The following NCKAP5 variants were observed in gnomAD, a reference collection of about 807,000 sequenced individuals.
NCKAP5 encodes NCK associated protein 5.
In NCKAP5, 92 loss-of-function variants were observed where a neutral mutation model predicts 167.0. The observed-to-expected ratio is 0.55, with a 90% CI of 0.47 to 0.66. The LOEUF is 0.66. NCKAP5 is among the 30% of genes least tolerant of loss of function. The pLI, the probability that NCKAP5 is intolerant of heterozygous loss-of-function variation, is 0.00. For missense variants in NCKAP5, 2,378 were observed against 2,315.0 expected (o/e 1.03, Z -0.56); for synonymous variants, 891 against 877.4 (o/e 1.02, Z -0.27).
chr2:132,847,218 T>A (rs1688728028), intron 11 of NCKAP5, among the ~76,000 whole-genome samples: 1 of 152,118 alleles, frequency 6.6e-6, no homozygotes, highest in Non-Finnish European at 1.5e-5. Flanking sequence ...GTGGGAAATA[T>A]GGGGTAAAAT....
At chr2:133,264,755 C>A (rs2089099223) in intron 4 of NCKAP5, among the ~76,000 whole-genome samples, 1 of 152,172 alleles carries the variant, frequency 6.6e-6, no homozygotes, top group African/African-American at 2.4e-5. Context: ...CCTTTACAGT[C>A]AGACTGGGAA....
chr2:132,882,494 A>G (rs1691840765), intron 8 of NCKAP5, among the ~76,000 whole-genome samples: 1 of 152,146 alleles, frequency 6.6e-6, no homozygotes, highest in South Asian at 2.1e-4. Context: ...CAATCTTACC[A>G]TGTGTACAAA....
chr2:133,391,134 C>G (rs529941789), intron 3 of NCKAP5: 1 of 152,322 alleles, frequency 6.6e-6, no homozygotes, highest in East Asian at 1.9e-4. Flanking sequence ...CTACCATCTA[C>G]TTTCTGAGGA....
chr2:133,018,921 C>A (rs1305374103), intron 6 of NCKAP5, among the ~76,000 whole-genome samples: 1 of 152,154 alleles, frequency 6.6e-6, no homozygotes, highest in Admixed American at 6.6e-5. Context: ...ACCCTTTAGC[C>A]TTGTTGCTAT....
At chr2:133,523,665 G>A (rs752566402) in intron 2 of NCKAP5, among the ~76,000 whole-genome samples, 5 of 152,096 alleles carry the variant, frequency 3.3e-5, no homozygotes, top group Non-Finnish European at 7.4e-5. Context: ...GGTCAGCTTC[G>A]TTAAGCAACA....
intron 8 of NCKAP5, among the ~76,000 whole-genome samples, chr2:132,936,825 T>A (rs1212534222): frequency 1.3e-5 from 2 of 152,256 alleles, no homozygotes; most frequent in Admixed American, 1.3e-4. Flanking sequence ...ATCAACTTTA[T>A]AATTTTACAA....
At chr2:133,361,002 G>C (rs1257708487) in intron 3 of NCKAP5, among the ~76,000 whole-genome samples, 1 of 151,280 alleles carries the variant, frequency 6.6e-6, no homozygotes, top group Non-Finnish European at 1.5e-5. Flanking sequence ...GAAATCAATG[G>C]GCAGACCCAA....
chr2:133,278,979 C>A (rs1007844501), intron 4 of NCKAP5, among the ~76,000 whole-genome samples: 7 of 152,166 alleles, frequency 4.6e-5, no homozygotes, highest in Non-Finnish European at 1.0e-4. Context: ...TCTCATTCAT[C>A]AGATTGGGAG....
In NCKAP5 at chr2:132,783,071, T is replaced by A; in HGVS notation, c.3740A>T (p.Asp1247Val). 1 of 1,613,884 alleles carries A rather than the reference T, an allele frequency of 6.2e-7. No individual in the cohort carries two copies. The highest frequency in any genetic ancestry group is 8.5e-7 in the Non-Finnish European group (1 of 1,179,856). Residue 1247 changes from aspartate (D) to valine (V), a missense_variant, in exon 14 of 20, where the codon GAT (aspartate) becomes GTT (valine). Transcript: ENST00000409261. ...IPGSDGRDGV[D>V]NRSMRRSLSS... Reference sequence around the variant, plus strand: ...AAGGGATCTTCTCATGGATCTATTATCTACCCCATCCCTTCCATCACTCCC... The same window carrying A: ...AAGGGATCTTCTCATGGATCTATTAACTACCCCATCCCTTCCATCACTCCC...
chr2:133,510,097 T>C (rs919121750), intron 3 of NCKAP5, among the ~76,000 whole-genome samples: 1 of 152,166 alleles, frequency 6.6e-6, no homozygotes, highest in Non-Finnish European at 1.5e-5. Context: ...GGCAGACAAA[T>C]GGCATTTCTT....
At chr2:133,536,978 G>A (rs1575121320) in intron 2 of NCKAP5, among the ~76,000 whole-genome samples, 1 of 151,718 alleles carries the variant, frequency 6.6e-6, no homozygotes, top group East Asian at 1.9e-4. Context: ...TTTTTTGGTA[G>A]GTTTGAGATA....
chr2:133,648,389 T>A, the NCKAP5 span, among the ~76,000 whole-genome samples: 1 of 152,170 alleles, frequency 6.6e-6, no homozygotes, highest in Non-Finnish European at 1.5e-5. Context: ...AGGACTTAAA[T>A]AATGCTATAA....
intron 13 of NCKAP5, among the ~76,000 whole-genome samples, chr2:132,788,110 T>A (rs1683739620): frequency 6.6e-6 from 1 of 152,128 alleles, no homozygotes; most frequent in African/African-American, 2.4e-5. Context: ...TCTAGGCCAA[T>A]CTTGAAGCTT....
At chr2:133,015,942 C>G (rs1371879525) in intron 6 of NCKAP5, among the ~76,000 whole-genome samples, 2 of 152,004 alleles carry the variant, frequency 1.3e-5, no homozygotes, top group Non-Finnish European at 2.9e-5. Flanking sequence ...AATGGAAGGA[C>G]TTAAGAAAAG....
chr2:133,603,530 T>A, the NCKAP5 span, among the ~76,000 whole-genome samples: 1 of 146,080 alleles, frequency 6.8e-6, no homozygotes, highest in Non-Finnish European at 1.5e-5. Context: ...CAGCCCGGCA[T>A]CAGGGATTTT....
intron 6 of NCKAP5, among the ~76,000 whole-genome samples, chr2:133,012,008 T>C (rs1416912334): frequency 1.3e-5 from 2 of 152,164 alleles, no homozygotes; most frequent in African/African-American, 2.4e-5. Flanking sequence ...GCCCTCTTCA[T>C]AGCTGTTTTT....
intron 3 of NCKAP5, among the ~76,000 whole-genome samples, chr2:133,390,388 T>C (rs994772591): frequency 7.9e-5 from 12 of 152,194 alleles, no homozygotes; most frequent in Admixed American, 6.5e-4. Flanking sequence ...AGGGAGGACA[T>C]AAAGCTTCCC....
chr2:133,385,570 T>G (rs905660019), intron 3 of NCKAP5, among the ~76,000 whole-genome samples: 3 of 152,190 alleles, frequency 2.0e-5, no homozygotes, highest in African/African-American at 7.2e-5. Flanking sequence ...ATAAAATGAG[T>G]TAGGGAGGAT....
At chr2:132,867,507 A>G (rs952301380) in intron 10 of NCKAP5, among the ~76,000 whole-genome samples, 6 of 152,290 alleles carry the variant, frequency 3.9e-5, no homozygotes, top group African/African-American at 1.4e-4. Context: ...AGGTCTGTTC[A>G]CAGAGATGTA....
Sources: allele counts gnomAD v4.1 joint callset (sites outside exome capture counted in the v4.1 genomes callset), GRCh38; gene constraint gnomAD v4.1.1; transcripts MANE v1.5; gene names NCBI Gene and HGNC (gene_info 2026-07-23, HGNC 2026-07-21).